Variants in CDC73 observed in about 807,000 individuals in gnomAD.
CDC73 encodes the protein parafibromin.
A neutral mutation model predicts 83.7 loss-of-function variants in CDC73; 21 were observed. That is an observed-to-expected ratio of 0.25 (90% CI 0.18 to 0.36). The LOEUF (loss-of-function observed/expected upper bound fraction) is 0.36. Ranked by LOEUF, CDC73 falls within the 10% of genes least tolerant of loss-of-function variation. CDC73 has a pLI of 1.00. For synonymous variants in CDC73, 224 were observed against 212.9 expected, an observed-to-expected ratio of 1.05 and a Z score of -0.45; for missense variants, 342 against 653.3, an observed-to-expected ratio of 0.52 and a Z score of 5.19.
At chr1:193,197,026 G>T (rs1677014211) in intron 10 of CDC73, among the ~76,000 whole-genome samples, 2 of 152,164 alleles carry the variant, frequency 1.3e-5, no homozygotes, top group South Asian at 2.1e-4. Context: ...TGATCTTAGG[G>T]ACAAAGCTTT....
At chr1:193,125,457 T>G (rs1675550418) in intron 2 of CDC73, among the ~76,000 whole-genome samples, 1 of 152,196 alleles carries the variant, frequency 6.6e-6, no homozygotes, top group South Asian at 2.1e-4. Flanking sequence ...TGAGGGGGTC[T>G]TGCTGTGTTG....
chr1:193,138,869 G>C (rs1675850657), intron 6 of CDC73, among the ~76,000 whole-genome samples: 3 of 150,522 alleles, frequency 2.0e-5, no homozygotes, highest in African/African-American at 7.3e-5. Context: ...CTGTCTTCTG[G>C]TTTCAAGCGA....
intron 3 of CDC73, among the ~76,000 whole-genome samples, chr1:193,132,335 A>C (rs1474914937): frequency 2.6e-5 from 4 of 152,252 alleles, no homozygotes; most frequent in African/African-American, 9.6e-5. Context: ...GGTGTTGTGC[A>C]AAATGCCAAA....
chr1:193,149,984 A>G (rs944385449), intron 8 of CDC73, among the ~76,000 whole-genome samples: 2 of 152,148 alleles, frequency 1.3e-5, no homozygotes, highest in Admixed American at 1.3e-4. Context: ...ATTATGTCGT[A>G]AAGGTACTTT....
chr1:193,186,913 GT>G (rs1270387046), intron 10 of CDC73, among the ~76,000 whole-genome samples: 1 of 151,934 alleles, frequency 6.6e-6, no homozygotes, highest in African/African-American at 2.4e-5. Flanking sequence ...TGGTTTTCAT[GT>G]TTCTTACATG....
chr1:193,126,248 A>G (rs1675571193), intron 2 of CDC73, among the ~76,000 whole-genome samples: 1 of 152,268 alleles, frequency 6.6e-6, no homozygotes, highest in Non-Finnish European at 1.5e-5. Context: ...ACATTTAAAA[A>G]AATTGTTTCT....
chr1:193,145,981 A>G (rs1383976203), intron 7 of CDC73, among the ~76,000 whole-genome samples: 1 of 152,220 alleles, frequency 6.6e-6, no homozygotes, highest in African/African-American at 2.4e-5. Flanking sequence ...ACACCCAGCA[A>G]GGGCAGTTAA....
chr1:193,225,245 G>GATATAT (rs56261261), intron 13 of CDC73, among the ~76,000 whole-genome samples: 2,226 of 143,520 alleles, frequency 0.016, 31 homozygotes, highest in Non-Finnish European at 0.024. Context: ...AGTATTCCAT[G>GATATAT]ATATATATAT....
At chr1:193,134,217 A>G (rs535046172) in intron 3 of CDC73, among the ~76,000 whole-genome samples, 7 of 152,196 alleles carry the variant, frequency 4.6e-5, no homozygotes, top group Non-Finnish European at 8.8e-5. Context: ...ATCTATATGT[A>G]CATTTATATA....
intron 10 of CDC73, among the ~76,000 whole-genome samples, chr1:193,172,679 T>C (rs1297529991): frequency 6.6e-6 from 1 of 152,158 alleles, no homozygotes; most frequent in Non-Finnish European, 1.5e-5. Context: ...TTTCTATCAG[T>C]TGTGAAGACT....
chr1:193,186,725 T>A (rs1676816763), intron 10 of CDC73: 1 of 152,142 alleles, frequency 6.6e-6, no homozygotes, highest in South Asian at 2.1e-4. Flanking sequence ...AGGGAGAAGC[T>A]TAGAGATTTT....
intron 10 of CDC73, among the ~76,000 whole-genome samples, chr1:193,176,495 G>A (rs1276217158): frequency 1.3e-5 from 2 of 152,148 alleles, no homozygotes. Context: ...GAGCATTAAA[G>A]AATCATCATA....
intron 3 of CDC73, among the ~76,000 whole-genome samples, chr1:193,131,040 C>T (rs1254394849): frequency 1.3e-5 from 2 of 151,960 alleles, no homozygotes; most frequent in African/African-American, 4.8e-5. Flanking sequence ...AGTTTTATGG[C>T]TCAGATATCA....
intron 10 of CDC73, among the ~76,000 whole-genome samples, chr1:193,158,381 G>A (rs1354421441): frequency 2.9e-5 from 2 of 70,068 alleles, no homozygotes; most frequent in Non-Finnish European, 6.4e-5. Context: ...CTGATTTTCT[G>A]GACAGGATGG....
At position 193,253,022 on chromosome 1, in the gene CDC73, A is replaced by C. The variant is rs1678069053; in HGVS notation, c.*2310A>C. ...GAAGTATAAATTAATAACTTGACTT[A>C]CCCCTCCATAAGTTACTGCTAACTG... is the stretch of plus-strand genomic sequence containing the variant. On this transcript the variant is annotated 3_prime_UTR_variant, in exon 17 of 17. Coordinates refer to ENST00000367435, the MANE Select transcript of CDC73 (RefSeq NM_024529.5). 1 of 231,910 alleles carries C rather than the reference A, an allele frequency of 4.3e-6. No homozygotes were observed. The highest frequency in any genetic ancestry group is 8.5e-6 in the Non-Finnish European group (1 of 117,320). The allele number at this position is 231,910 out of a possible 1,614,324, so 14.4% of individuals were successfully genotyped here.
At chr1:193,169,100 C>T (rs897547267) in intron 10 of CDC73, among the ~76,000 whole-genome samples, 21 of 152,072 alleles carry the variant, frequency 1.4e-4, no homozygotes, top group African/African-American at 5.1e-4. Context: ...GATATGGAGG[C>T]AACTGTTTAT....
chr1:193,142,438 A>G (rs533389970), intron 7 of CDC73, among the ~76,000 whole-genome samples: 42 of 152,072 alleles, frequency 2.8e-4, no homozygotes, highest in Non-Finnish European at 5.6e-4. Context: ...TTTTTCTCAC[A>G]TGGTAGAGAA....
At chr1:193,242,499 A>G (rs560427412) in intron 15 of CDC73, among the ~76,000 whole-genome samples, 2 of 151,914 alleles carry the variant, frequency 1.3e-5, no homozygotes, top group Non-Finnish European at 2.9e-5. Flanking sequence ...ACTCTCTTAG[A>G]TCATCTATTC....
chr1:193,140,557 G>T lies in CDC73; in HGVS notation c.513-1293G>T, dbSNP rs180972668. ...TGGCATCACTACTCTTGTGTTTTGG[G>T]GCCATTGTTAGGTAAAATAAGGGCT... On this transcript the variant is annotated intron_variant, in intron 6 of 16. Transcript: ENST00000367435. 2.0e-4 allele frequency among the ~76,000 whole-genome samples: 31 copies of T among 152,194 alleles called. No homozygotes were observed. The East Asian group carries it at 4.4e-3, about 22-fold the overall frequency.
Sources: gnomAD v4.1 joint callset for allele counts (sites outside exome capture counted in the v4.1 genomes callset) on GRCh38, gnomAD v4.1.1 for gene constraint, MANE v1.5 for transcripts, NCBI Gene and HGNC (gene_info 2026-07-23, HGNC 2026-07-21) for gene names.